SH3BGR: variants seen among roughly 807,000 people sequenced by gnomAD.
SH3BGR encodes the protein SH3 domain-binding glutamic acid-rich protein.
In SH3BGR, 29 loss-of-function variants were observed where a neutral mutation model predicts 24.5. The ratio of observed to expected loss-of-function variants is 1.18; its 90% confidence interval spans 0.88 to 1.61. The LOEUF (loss-of-function observed/expected upper bound fraction) is 1.61, where lower values mean the gene tolerates loss of function less well. Among genes scored for constraint, SH3BGR ranks in the 40% most tolerant of loss-of-function variants. The pLI is 0.00. For missense variants in SH3BGR, 162 were observed against 205.8 expected (o/e 0.79, Z 1.30); for synonymous variants, 55 against 65.7 (o/e 0.84, Z 0.79).
intron 4 of SH3BGR, among the ~76,000 whole-genome samples, chr21:39,504,905 T>C (rs971690092): frequency 1.9e-4 from 29 of 152,118 alleles, no homozygotes; most frequent in African/African-American, 7.0e-4. Flanking sequence ...ATAATCATAG[T>C]GGGCTCGAGT....
At position 39,515,119 on chromosome 21, in the gene SH3BGR, G is replaced by A. The variant is rs1569180696; in HGVS notation, c.*66G>A. Reference sequence around the variant, plus strand: ...GAAGCTATGAAGCAACATTTCAAATGTCTCTCCACAAACCAAACTCAACAG... The same window carrying A: ...GAAGCTATGAAGCAACATTTCAAATATCTCTCCACAAACCAAACTCAACAG... On this transcript the variant is annotated 3_prime_UTR_variant, in exon 7 of 7. Transcript: ENST00000333634. 1 of 470,578 alleles carries A rather than the reference G, an allele frequency of 2.1e-6. No homozygotes were observed. The highest frequency in any genetic ancestry group is 4.4e-6 in the Non-Finnish European group (1 of 226,736). The allele number at this position is 470,578 out of a possible 1,614,324, so 29.2% of individuals were successfully genotyped here.
chr21:39,476,843 A>G (rs1401913698), intron 3 of SH3BGR, among the ~76,000 whole-genome samples: 1 of 152,178 alleles, frequency 6.6e-6, no homozygotes, highest in East Asian at 1.9e-4. Context: ...ATCCTTGGTC[A>G]ATAATAATGT....
upstream of SH3BGR, among the ~76,000 whole-genome samples, chr21:39,449,552 A>G (rs2077550199): frequency 6.6e-6 from 1 of 152,206 alleles, no homozygotes; most frequent in Non-Finnish European, 1.5e-5. Context: ...CGTTTGTGTC[A>G]TTAGTGTAAT....
At chr21:39,486,098 A>G (rs1201697998) in intron 3 of SH3BGR, among the ~76,000 whole-genome samples, 1 of 152,324 alleles carries the variant, frequency 6.6e-6, no homozygotes, top group Non-Finnish European at 1.5e-5. Flanking sequence ...AAGATGAAGC[A>G]TTTTTGCTTG....
chr21:39,493,103 C>A (rs1157459913), intron 3 of SH3BGR, among the ~76,000 whole-genome samples: 1 of 152,178 alleles, frequency 6.6e-6, no homozygotes, highest in Non-Finnish European at 1.5e-5. Context: ...TTTTGCCGTG[C>A]AAAAGCTCTT....
At chr21:39,500,192 A>G (rs907124036) in intron 4 of SH3BGR, among the ~76,000 whole-genome samples, 2 of 152,070 alleles carry the variant, frequency 1.3e-5, no homozygotes, top group African/African-American at 4.8e-5. Context: ...TGTTATGGCT[A>G]GGTTAGGTGT....
At chr21:39,497,872 A>G (rs1460491687) in intron 3 of SH3BGR, among the ~76,000 whole-genome samples, 1 of 152,226 alleles carries the variant, frequency 6.6e-6, no homozygotes, top group Non-Finnish European at 1.5e-5. Context: ...ACATTCATAT[A>G]TCGCTGTGGG....
At chr21:39,514,502 C>T (rs1159866138) in intron 6 of SH3BGR, among the ~76,000 whole-genome samples, 2 of 152,116 alleles carry the variant, frequency 1.3e-5, no homozygotes, top group African/African-American at 2.4e-5. Flanking sequence ...GCTGGGATTA[C>T]AGGCACGCAC....
At chr21:39,500,755 T>C (rs1280876071) in intron 4 of SH3BGR, among the ~76,000 whole-genome samples, 2 of 152,052 alleles carry the variant, frequency 1.3e-5, no homozygotes, top group South Asian at 4.2e-4. Flanking sequence ...GTGTGGGAGC[T>C]TTTATGAGAG....
chr21:39,510,036 A>G (rs1193712810), intron 5 of SH3BGR, among the ~76,000 whole-genome samples: 9 of 127,534 alleles, frequency 7.1e-5, no homozygotes, highest in Admixed American at 1.5e-4. Flanking sequence ...TCCGCCTCCC[A>G]GGTTCACGCC....
chr21:39,480,927 T>C (rs140700781), intron 3 of SH3BGR, among the ~76,000 whole-genome samples: 1 of 152,362 alleles, frequency 6.6e-6, no homozygotes, highest in East Asian at 1.9e-4. Context: ...TGTGGTATCT[T>C]ATTTGCTTTA....
intron 4 of SH3BGR, among the ~76,000 whole-genome samples, chr21:39,503,875 A>T (rs142204362): frequency 6.6e-6 from 1 of 152,262 alleles, no homozygotes; most frequent in East Asian, 1.9e-4. Flanking sequence ...GGAAGATCTT[A>T]CCTGTAACTT....
chr21:39,494,544 T>A (rs1404392246), intron 3 of SH3BGR, among the ~76,000 whole-genome samples: 1 of 152,136 alleles, frequency 6.6e-6, no homozygotes, highest in African/African-American at 2.4e-5. Flanking sequence ...TTTTTTTCCC[T>A]TCTGTCTTCT....
chr21:39,489,690 T>A (rs532757080), intron 3 of SH3BGR, among the ~76,000 whole-genome samples: 2 of 152,300 alleles, frequency 1.3e-5, no homozygotes, highest in South Asian at 4.1e-4. Context: ...TGGGGAGCTG[T>A]TAAAGCTATT....
chr21:39,467,900 C>G (rs1054561453), intron 2 of SH3BGR, among the ~76,000 whole-genome samples: 3 of 152,204 alleles, frequency 2.0e-5, no homozygotes, highest in Non-Finnish European at 4.4e-5. Flanking sequence ...CCAGGGCAGA[C>G]AACTGTTAGA....
At chr21:39,491,377 T>C (rs1239062695) in intron 3 of SH3BGR, among the ~76,000 whole-genome samples, 1 of 152,128 alleles carries the variant, frequency 6.6e-6, no homozygotes, top group Non-Finnish European at 1.5e-5. Context: ...CTTGAACTCC[T>C]GACCTCAAGT....
At chr21:39,457,178 A>G (rs1330826991) in intron 1 of SH3BGR, among the ~76,000 whole-genome samples, 1 of 146,146 alleles carries the variant, frequency 6.8e-6, no homozygotes, top group African/African-American at 2.5e-5. Context: ...TATGTATATT[A>G]TGTAAGTTAT....
intron 3 of SH3BGR, among the ~76,000 whole-genome samples, chr21:39,479,719 T>C (rs1164952000): frequency 6.6e-6 from 1 of 152,200 alleles, no homozygotes; most frequent in Non-Finnish European, 1.5e-5. Flanking sequence ...GGACAGTCAC[T>C]TGCCGTCCAG....
At chr21:39,449,222 T>C (rs1376950597), upstream of SH3BGR, among the ~76,000 whole-genome samples, 1 of 152,232 alleles carries the variant, frequency 6.6e-6, no homozygotes, top group East Asian at 1.9e-4. Context: ...TAAGGCTGAC[T>C]CTGTAAGACA....
Sources: allele counts gnomAD v4.1 joint callset (sites outside exome capture counted in the v4.1 genomes callset), GRCh38; gene constraint gnomAD v4.1.1; transcripts MANE v1.5; gene names NCBI Gene and HGNC (gene_info 2026-07-23, HGNC 2026-07-21).